SEMA3D: variants seen among roughly 807,000 people sequenced by gnomAD.
SEMA3D encodes the protein semaphorin 3D.
In SEMA3D, 84 loss-of-function variants were observed where a neutral mutation model predicts 100.1. That is an observed-to-expected ratio of 0.84 (90% CI 0.70 to 1.01). The LOEUF is 1.01. Ranked by LOEUF, SEMA3D falls within the 50% of genes least tolerant of loss-of-function variation. SEMA3D has a pLI of 0.00. For synonymous variants in SEMA3D, 312 were observed against 320.7 expected, an observed-to-expected ratio of 0.97 and a Z score of 0.29; for missense variants, 875 against 934.1, an observed-to-expected ratio of 0.94 and a Z score of 0.82.
At chr7:85,022,750 G>T in intron 12 of SEMA3D, 137 bp from the exon 13 acceptor site, 1 of 623,142 alleles carries the variant, frequency 1.6e-6, no homozygotes. Context: ...GGAATCATGT[G>T]TACTTGTAAA....
Position 84,999,773 on chromosome 7 carries a change from G to T in SEMA3D, c.2001C>A (p.Ala667=), listed in dbSNP as rs1789605097. The T allele has an allele frequency of 6.2e-7, 1 of 1,613,936 alleles. No homozygotes were observed. The highest frequency in any genetic ancestry group is 8.5e-7 in the Non-Finnish European group (1 of 1,179,984). ...KKDSGMYYCK[A]QEHTFIHTIV... ...TGGTGTGGATGAAAGTGTGCTCCTGGGCTTTGCAGTAATACATCCCAGAAT... is the reference window on the plus strand; with the variant it reads ...TGGTGTGGATGAAAGTGTGCTCCTGTGCTTTGCAGTAATACATCCCAGAAT... The change falls in exon 19 of 19, where the codon GCC becomes GCA. Residue 667 remains alanine (A), a synonymous_variant. Transcript: ENST00000284136.
the SEMA3D span, among the ~76,000 whole-genome samples, chr7:85,216,700 T>C: frequency 1.3e-5 from 2 of 152,004 alleles, no homozygotes; most frequent in Non-Finnish European, 1.5e-5. Context: ...CAGATAAAAA[T>C]GCAAGAAAAA....
At chr7:85,239,289 C>T in the SEMA3D span, among the ~76,000 whole-genome samples, 1 of 152,114 alleles carries the variant, frequency 6.6e-6, no homozygotes, top group Admixed American at 6.6e-5. Context: ...AATGTCTCCA[C>T]CCTTGTAAAT....
chr7:85,020,352 G>C, intron 13 of SEMA3D, 31 bp from the exon 14 acceptor site: 3 of 1,526,590 alleles, frequency 2.0e-6, no homozygotes, highest in Non-Finnish European at 2.7e-6. Flanking sequence ...TGATCCCATT[G>C]TTTCTATCTC....
chr7:85,222,015 A>G, the SEMA3D span, among the ~76,000 whole-genome samples: 1 of 152,054 alleles, frequency 6.6e-6, no homozygotes, highest in South Asian at 2.1e-4. Context: ...GAGGTTTAGA[A>G]ATCCCCAATC....
At chr7:85,146,486 G>A (rs577910434) in intron 2 of SEMA3D, among the ~76,000 whole-genome samples, 22 of 151,824 alleles carry the variant, frequency 1.4e-4, no homozygotes, top group African/African-American at 4.8e-4. Context: ...CCTGGGAGGC[G>A]GAGGTTGCAT....
At chr7:85,142,282 C>G in intron 2 of SEMA3D, 1 of 980,234 alleles carries the variant, frequency 1.0e-6, no homozygotes, top group Non-Finnish European at 1.2e-6. Context: ...TAGTAAAACA[C>G]TGAGAAAGTA....
At chr7:85,050,327 T>A (rs1276215387) in intron 9 of SEMA3D, 1 of 154,982 alleles carries the variant, frequency 6.5e-6, no homozygotes, top group Admixed American at 6.5e-5. Context: ...TTGCACCATT[T>A]CGTGCTTCAA....
chr7:85,061,194 T>A (rs1030080841), intron 8 of SEMA3D, among the ~76,000 whole-genome samples: 10 of 151,988 alleles, frequency 6.6e-5, no homozygotes, highest in African/African-American at 2.2e-4. Context: ...GATGAAAAAA[T>A]TTCATCTTTG....
At chr7:85,131,229 T>C (rs1003456662) in intron 2 of SEMA3D, among the ~76,000 whole-genome samples, 3 of 152,068 alleles carry the variant, frequency 2.0e-5, no homozygotes, top group Admixed American at 2.0e-4. Context: ...AAATACTATA[T>C]AACATCCAAG....
At chr7:85,135,827 T>C (rs1247038943) in intron 2 of SEMA3D, among the ~76,000 whole-genome samples, 2 of 151,194 alleles carry the variant, frequency 1.3e-5, no homozygotes, top group Non-Finnish European at 2.9e-5. Flanking sequence ...TTCAATGGGA[T>C]TATTTACTAT....
chr7:85,160,330 T>A (rs1191646764), intron 1 of SEMA3D, among the ~76,000 whole-genome samples: 2 of 151,236 alleles, frequency 1.3e-5, no homozygotes, highest in African/African-American at 4.9e-5. Context: ...ATGGGTCTGA[T>A]GAAATATAGA....
intron 8 of SEMA3D, among the ~76,000 whole-genome samples, chr7:85,056,914 T>C (rs1383777170): frequency 6.8e-6 from 1 of 147,872 alleles, no homozygotes; most frequent in Non-Finnish European, 1.5e-5. Flanking sequence ...TATATATATA[T>C]GTATAGCATT....
rs528060763 is a variant in SEMA3D at position 84,995,992 on chromosome 7, T to C, written c.*3448A>G. 4.0e-5 allele frequency: 6 copies of C among 151,536 alleles called. No individual in the cohort carries two copies. Among genetic ancestry groups the C allele is most frequent in the Non-Finnish European group, 7.4e-5 (5 of 67,776 alleles). The allele number at this position is 151,536 out of a possible 1,614,324, so 9.4% of individuals were successfully genotyped here. On this transcript the variant is annotated 3_prime_UTR_variant, in exon 19 of 19. Coordinates refer to ENST00000284136, the MANE Select transcript of SEMA3D (RefSeq NM_001384900.1). The stretch of plus-strand genomic sequence containing the variant: ...TTCAAATATCTTTTTTTTTTTTTGG[T>C]TTGTTTCTAAATTATCCATTCCCAA...
At position 85,015,054 on chromosome 7, in the gene SEMA3D, C is replaced by G; in HGVS notation, c.1703+5G>C. 6.2e-7 allele frequency: 1 copy of G among 1,609,448 alleles called. No homozygotes were observed. Among genetic ancestry groups the G allele is most frequent in the Non-Finnish European group, 8.5e-7 (1 of 1,176,750 alleles). On this transcript the variant is annotated splice_donor_5th_base_variant and intron_variant, in intron 16 of 18. Transcript: ENST00000284136. ...GCCTTTATATTAACTCCATGTGCCT[C>G]TTACCTTTTAGAAGTAGGAGCATAT... is the stretch of plus-strand genomic sequence containing the variant.
At chr7:85,034,532 G>A (rs547720560) in intron 12 of SEMA3D, among the ~76,000 whole-genome samples, 22 of 152,092 alleles carry the variant, frequency 1.4e-4, no homozygotes, top group Non-Finnish European at 2.6e-4. Context: ...GCTTGAACTC[G>A]GGAGGCAGAG....
At chr7:85,189,465 C>G (rs574737942), upstream of SEMA3D, among the ~76,000 whole-genome samples, 29 of 151,666 alleles carry the variant, frequency 1.9e-4, no homozygotes, top group Admixed American at 8.5e-4. Flanking sequence ...AAAATAAAAC[C>G]CAGTGGGAAA....
intron 12 of SEMA3D, chr7:85,028,826 T>A: frequency 4.5e-6 from 1 of 222,208 alleles, no homozygotes; most frequent in Non-Finnish European, 9.2e-6. Flanking sequence ...AGATTCCTGA[T>A]ATTGTCCTGG....
At chr7:85,158,886 C>T (rs1027939351) in intron 1 of SEMA3D, among the ~76,000 whole-genome samples, 8 of 152,188 alleles carry the variant, frequency 5.3e-5, no homozygotes, top group African/African-American at 1.7e-4. Context: ...CCTGATATAT[C>T]ATCAGAATTT....
Sources: allele counts gnomAD v4.1 joint callset (sites outside exome capture counted in the v4.1 genomes callset), GRCh38; gene constraint gnomAD v4.1.1; transcripts MANE v1.5; gene names NCBI Gene and HGNC (gene_info 2026-07-23, HGNC 2026-07-21).